Variants in ROBO2 observed in about 807,000 individuals in gnomAD.
ROBO2 encodes roundabout homolog 2.
ROBO2 carries 53 observed loss-of-function variants against 160.8 expected under a neutral mutation model. That is an observed-to-expected ratio of 0.33 (90% CI 0.26 to 0.41). ROBO2 has a LOEUF of 0.41. Ranked by LOEUF, ROBO2 falls within the 10% of genes least tolerant of loss-of-function variation. The probability of loss-of-function intolerance (pLI) is 1.00; values close to 1 mark genes in which losing one functional copy is unlikely to be tolerated. For missense variants in ROBO2, 1,577 were observed against 1,722.4 expected, an observed-to-expected ratio of 0.92 and a Z score of 1.49; for synonymous variants, 664 against 611.7, an observed-to-expected ratio of 1.09 and a Z score of -1.26.
Position 77,021,951 on chromosome 3 carries a change from T to A in ROBO2, c.110-76063T>A, listed in dbSNP as rs552413853. Reference sequence around the variant, plus strand: ...ATGAGAAATACATTTATTTAAAAACTACCCAGAGGCCGGGTGTAGTGGCTC... The same window carrying A: ...ATGAGAAATACATTTATTTAAAAACAACCCAGAGGCCGGGTGTAGTGGCTC... On this transcript the variant is annotated intron_variant, in intron 2 of 26. Transcript: ENST00000487694. Among the ~76,000 whole-genome samples the A allele has an allele frequency of 1.1e-3, 167 of 152,290 alleles. 1 individual carries two copies. Among genetic ancestry groups the A allele is most frequent in the Middle Eastern group, 3.4e-3 (1 of 294 alleles).
intron 2 of ROBO2, among the ~76,000 whole-genome samples, chr3:76,924,799 C>G (rs1204352276): frequency 6.6e-6 from 1 of 152,220 alleles, no homozygotes; most frequent in African/African-American, 2.4e-5. Flanking sequence ...GACACCTGAA[C>G]TCTCAGAATT....
chr3:76,828,909 C>A (rs1393460769), intron 2 of ROBO2, among the ~76,000 whole-genome samples: 1 of 151,998 alleles, frequency 6.6e-6, no homozygotes. Context: ...TGAGAGCTAT[C>A]TTTTCCTCTG....
chr3:76,144,191 T>C (rs149288919), intron 2 of ROBO2, among the ~76,000 whole-genome samples: 81 of 152,114 alleles, frequency 5.3e-4, no homozygotes, highest in African/African-American at 1.8e-3. Context: ...TTATTAACAC[T>C]AATACACTCA....
chr3:77,576,009 T>G (rs910352491), intron 14 of ROBO2, among the ~76,000 whole-genome samples: 4 of 152,088 alleles, frequency 2.6e-5, no homozygotes, highest in Admixed American at 1.3e-4. Context: ...CTTTCACATC[T>G]GTAGAACGAA....
At chr3:76,639,470 A>T (rs1293885670) in intron 2 of ROBO2, among the ~76,000 whole-genome samples, 1 of 151,568 alleles carries the variant, frequency 6.6e-6, no homozygotes, top group Non-Finnish European at 1.5e-5. Context: ...TCTCTCACAC[A>T]CACACACACA....
intron 2 of ROBO2, among the ~76,000 whole-genome samples, chr3:77,007,568 C>T (rs535602788): frequency 3.3e-5 from 5 of 152,078 alleles, no homozygotes; most frequent in Admixed American, 6.5e-5. Flanking sequence ...TTACTATAGA[C>T]GATATTCTGC....
chr3:76,728,409 A>T (rs1265194373), intron 2 of ROBO2, among the ~76,000 whole-genome samples: 4 of 152,196 alleles, frequency 2.6e-5, no homozygotes, highest in East Asian at 1.9e-4. Flanking sequence ...CTTTTCCTAA[A>T]TAATCCTTTT....
intron 2 of ROBO2, among the ~76,000 whole-genome samples, chr3:76,751,434 AAAGTC>A (rs1560497609): frequency 6.6e-6 from 1 of 152,144 alleles, no homozygotes; most frequent in Non-Finnish European, 1.5e-5. Context: ...AACAACAACA[AAAGTC>A]AAAATTGAGA....
intron 2 of ROBO2, among the ~76,000 whole-genome samples, chr3:77,366,650 G>A (rs2070918112): frequency 6.6e-6 from 1 of 152,136 alleles, no homozygotes; most frequent in Non-Finnish European, 1.5e-5. Flanking sequence ...TCTGAAGGCT[G>A]TACAAGAAGC....
intron 2 of ROBO2, among the ~76,000 whole-genome samples, chr3:77,430,087 T>C (rs1204720205): frequency 6.6e-6 from 1 of 152,112 alleles, no homozygotes; most frequent in Non-Finnish European, 1.5e-5. Flanking sequence ...CCTGGAGTGA[T>C]TACCAGCTTG....
chr3:76,246,396 T>C (rs1705622910), intron 2 of ROBO2, among the ~76,000 whole-genome samples: 1 of 152,132 alleles, frequency 6.6e-6, no homozygotes, highest in Admixed American at 6.6e-5. Flanking sequence ...TGCAGAAAGG[T>C]TAATGGAGGT....
intron 2 of ROBO2, among the ~76,000 whole-genome samples, chr3:76,412,542 G>C (rs963085949): frequency 5.3e-5 from 8 of 152,156 alleles, no homozygotes; most frequent in Non-Finnish European, 1.0e-4. Context: ...CACAGGTATC[G>C]GGTAAATACA....
At chr3:77,115,002 T>C (rs563088879) in intron 2 of ROBO2, among the ~76,000 whole-genome samples, 6 of 152,242 alleles carry the variant, frequency 3.9e-5, no homozygotes, top group South Asian at 2.1e-4. Context: ...TTATTCATTT[T>C]TTTAAAAATG....
intron 2 of ROBO2, among the ~76,000 whole-genome samples, chr3:76,994,598 T>C (rs914229130): frequency 3.3e-5 from 5 of 152,192 alleles, no homozygotes; most frequent in African/African-American, 1.2e-4. Context: ...AAATTCTTAT[T>C]TGTTTTTTTA....
At chr3:77,102,505 G>T (rs1413625143) in intron 2 of ROBO2, among the ~76,000 whole-genome samples, 1 of 152,134 alleles carries the variant, frequency 6.6e-6, no homozygotes, top group Non-Finnish European at 1.5e-5. Flanking sequence ...GTATTGATAT[G>T]TAGGACATAA....
chr3:77,362,663 C>T (rs2070208200), intron 2 of ROBO2, among the ~76,000 whole-genome samples: 1 of 152,054 alleles, frequency 6.6e-6, no homozygotes, highest in South Asian at 2.1e-4. Flanking sequence ...CTAAATTAGG[C>T]AAAGAAGAGT....
At chr3:76,252,560 A>G (rs1706074386) in intron 2 of ROBO2, among the ~76,000 whole-genome samples, 1 of 151,182 alleles carries the variant, frequency 6.6e-6, no homozygotes, top group Non-Finnish European at 1.5e-5. Context: ...ATATTTACAT[A>G]TGCACACACA....
intron 1 of ROBO2, among the ~76,000 whole-genome samples, chr3:75,909,201 A>G (rs896601729): frequency 7.2e-5 from 11 of 152,216 alleles, no homozygotes; most frequent in African/African-American, 2.7e-4. Context: ...CAAAATCCCT[A>G]TAATACAGCC....
chr3:76,503,873 T>C (rs2080619530), intron 2 of ROBO2, among the ~76,000 whole-genome samples: 1 of 152,194 alleles, frequency 6.6e-6, no homozygotes, highest in Non-Finnish European at 1.5e-5. Context: ...AAGAGACCTG[T>C]TTTTAAAAGT....
Sources: allele counts gnomAD v4.1 joint callset (sites outside exome capture counted in the v4.1 genomes callset), GRCh38; gene constraint gnomAD v4.1.1; transcripts MANE v1.5; gene names NCBI Gene and HGNC (gene_info 2026-07-23, HGNC 2026-07-21).